The following UBE2E2 variants were observed in gnomAD, a reference collection of about 807,000 sequenced individuals.
UBE2E2 encodes the protein ubiquitin conjugating enzyme E2 E2.
Under a neutral mutation model 24.7 loss-of-function variants are expected in UBE2E2, and 6 were observed. That is an observed-to-expected ratio of 0.24 (90% CI 0.13 to 0.48). UBE2E2 has a LOEUF of 0.48. UBE2E2 is among the 20% of genes least tolerant of loss of function. The probability of loss-of-function intolerance (pLI) is 0.99; values close to 1 mark genes in which losing one functional copy is unlikely to be tolerated. For synonymous variants in UBE2E2, 104 were observed against 83.6 expected, an observed-to-expected ratio of 1.24 and a Z score of -1.33; for missense variants, 169 against 245.0, an observed-to-expected ratio of 0.69 and a Z score of 2.07.
intron 3 of UBE2E2, among the ~76,000 whole-genome samples, chr3:23,445,592 A>G (rs1439407508): frequency 2.0e-5 from 3 of 152,214 alleles, no homozygotes; most frequent in African/African-American, 4.8e-5. Flanking sequence ...ACAGCAGTTC[A>G]TATTTGGCTA....
chr3:23,323,925 A>G (rs1412492940), intron 3 of UBE2E2, among the ~76,000 whole-genome samples: 1 of 152,126 alleles, frequency 6.6e-6, no homozygotes. Context: ...GTTGTGATAT[A>G]CCTCTTCACT....
chr3:23,520,503 A>G (rs979114134), intron 4 of UBE2E2, among the ~76,000 whole-genome samples: 2 of 152,232 alleles, frequency 1.3e-5, no homozygotes, highest in African/African-American at 4.8e-5. Context: ...TTTTTATAGT[A>G]TTTGTGAATA....
intron 2 of UBE2E2, among the ~76,000 whole-genome samples, chr3:23,211,766 C>T (rs906556979): frequency 4.6e-5 from 7 of 152,082 alleles, no homozygotes; most frequent in Non-Finnish European, 8.8e-5. Context: ...AAGATGATAA[C>T]GGTACGCTGT....
chr3:23,504,965 G>A (rs1324723771), intron 4 of UBE2E2, among the ~76,000 whole-genome samples: 1 of 143,574 alleles, frequency 7.0e-6, no homozygotes, highest in African/African-American at 2.7e-5. Context: ...CTGGAGTGCA[G>A]TGACGTGATC....
intron 5 of UBE2E2, among the ~76,000 whole-genome samples, chr3:23,539,043 T>A (rs1274055896): frequency 6.6e-6 from 1 of 152,184 alleles, no homozygotes; most frequent in Non-Finnish European, 1.5e-5. Flanking sequence ...GGCTTAGATC[T>A]TGGATTCCCT....
chr3:23,504,185 C>T (rs1360659892), intron 4 of UBE2E2, among the ~76,000 whole-genome samples: 1 of 152,140 alleles, frequency 6.6e-6, no homozygotes, highest in African/African-American at 2.4e-5. Context: ...GGGCCATACT[C>T]CCCATGGCTT....
chr3:23,428,547 T>C (rs2125398134), intron 3 of UBE2E2, among the ~76,000 whole-genome samples: 1 of 152,132 alleles, frequency 6.6e-6, no homozygotes, highest in South Asian at 2.1e-4. Flanking sequence ...TAAGAATTAG[T>C]GTATATATTA....
intron 3 of UBE2E2, among the ~76,000 whole-genome samples, chr3:23,328,630 C>A (rs1171092237): frequency 6.7e-6 from 1 of 149,346 alleles, no homozygotes; most frequent in African/African-American, 2.5e-5. Context: ...TCTGTAGATT[C>A]ATTTAGCTAA....
chr3:23,531,837 G>A (rs1483870910), intron 4 of UBE2E2, among the ~76,000 whole-genome samples: 2 of 151,940 alleles, frequency 1.3e-5, no homozygotes, highest in Non-Finnish European at 2.9e-5. Flanking sequence ...CAAGGCAGGC[G>A]GATGACTTGA....
Position 23,472,239 on chromosome 3 carries a change from C to G in UBE2E2, c.228-27369C>G, listed in dbSNP as rs534852910. Among the ~76,000 whole-genome samples, 5 of 152,296 alleles carry G rather than the reference C, an allele frequency of 3.3e-5. No homozygotes were observed. The East Asian group carries it at 9.6e-4, about 29-fold the overall frequency. ...CTTACTTTCTGTCCAGCCAGACTTACCTTCAGTTACAGCTCCCCCAGACAA... is the reference window on the plus strand; with the variant it reads ...CTTACTTTCTGTCCAGCCAGACTTAGCTTCAGTTACAGCTCCCCCAGACAA... On this transcript the variant is annotated intron_variant, in intron 3 of 5. Transcript: ENST00000396703.
intron 3 of UBE2E2, among the ~76,000 whole-genome samples, chr3:23,367,204 AC>A (rs1302943671): frequency 6.6e-6 from 1 of 152,110 alleles, no homozygotes; most frequent in Non-Finnish European, 1.5e-5. Context: ...TTGTTGACAA[AC>A]CAATCTTTAT....
intron 3 of UBE2E2, among the ~76,000 whole-genome samples, chr3:23,431,930 A>C (rs1022211325): frequency 6.6e-6 from 1 of 152,210 alleles, no homozygotes; most frequent in South Asian, 2.1e-4. Flanking sequence ...GAAGATGATG[A>C]TCTAAGACTA....
intron 5 of UBE2E2, among the ~76,000 whole-genome samples, chr3:23,546,133 T>C (rs1359922529): frequency 2.6e-5 from 4 of 152,214 alleles, no homozygotes; most frequent in African/African-American, 7.2e-5. Context: ...CAGAAACCAC[T>C]TGTATCCCTA....
At chr3:23,272,966 G>C (rs1291352639) in intron 3 of UBE2E2, among the ~76,000 whole-genome samples, 1 of 152,054 alleles carries the variant, frequency 6.6e-6, no homozygotes, top group Admixed American at 6.5e-5. Flanking sequence ...CAGCCTTTTA[G>C]TTCTCTTCAG....
At chr3:23,416,144 T>C (rs1179766994) in intron 3 of UBE2E2, among the ~76,000 whole-genome samples, 3 of 152,246 alleles carry the variant, frequency 2.0e-5, no homozygotes, top group African/African-American at 7.2e-5. Flanking sequence ...CAGTCTAACA[T>C]TGATTGGCAT....
At chr3:23,585,176 A>G (rs1575725159) in intron 5 of UBE2E2, among the ~76,000 whole-genome samples, 3 of 151,884 alleles carry the variant, frequency 2.0e-5, no homozygotes, top group Admixed American at 2.0e-4. Context: ...GGAATTTAAG[A>G]CCAGCCTGGG....
rs117014589 is a variant in UBE2E2, at chr3:23,581,600, G to A, written c.509-8134G>A. On this transcript the variant is annotated intron_variant, in intron 5 of 5. Transcript: ENST00000396703. ...TTGCAGTTGAGGAAACTGAGGCACA[G>A]TAATTTCCCAAGGTGACCTGACTCC... is the stretch of plus-strand genomic sequence containing the variant. Among the ~76,000 whole-genome samples, 98 of 152,328 alleles carry A rather than the reference G, an allele frequency of 6.4e-4. 5 individuals are homozygous for A. In the East Asian group the frequency reaches 0.015, roughly 24 times the overall value.
chr3:23,405,190 G>A (rs1575608781), intron 3 of UBE2E2, among the ~76,000 whole-genome samples: 1 of 152,294 alleles, frequency 6.6e-6, no homozygotes, highest in South Asian at 2.1e-4. Flanking sequence ...GTAGACCATT[G>A]TAGGTTTGAA....
At chr3:23,421,022 G>T (rs908904312) in intron 3 of UBE2E2, among the ~76,000 whole-genome samples, 1 of 152,208 alleles carries the variant, frequency 6.6e-6, no homozygotes, top group Non-Finnish European at 1.5e-5. Context: ...GGGAAGATTT[G>T]ACTTAATAAT....
Sources: allele counts gnomAD v4.1 joint callset (sites outside exome capture counted in the v4.1 genomes callset), GRCh38; gene constraint gnomAD v4.1.1; transcripts MANE v1.5; gene names NCBI Gene and HGNC (gene_info 2026-07-23, HGNC 2026-07-21).